GATAD2B: variants seen among roughly 807,000 people sequenced by gnomAD.
GATAD2B encodes GATA zinc finger domain containing 2B.
In GATAD2B, 8 loss-of-function variants were observed where a neutral mutation model predicts 64.3. The observed-to-expected ratio is 0.12, with a 90% CI of 0.07 to 0.22. The LOEUF is 0.22. Ranked by LOEUF, GATAD2B falls within the 10% of genes least tolerant of loss-of-function variation. The pLI is 1.00. For missense variants in GATAD2B, 453 were observed against 752.0 expected (o/e 0.60, Z 4.65); for synonymous variants, 281 against 271.3 (o/e 1.04, Z -0.35).
At chr1:153,902,186 CAGG>C (rs1677799631) in intron 1 of GATAD2B, among the ~76,000 whole-genome samples, 1 of 151,972 alleles carries the variant, frequency 6.6e-6, no homozygotes, top group South Asian at 2.1e-4. Context: ...AAGGCTGAGG[CAGG>C]AGAATCACTT....
At chr1:153,855,744 G>A (rs1327078852) in intron 1 of GATAD2B, among the ~76,000 whole-genome samples, 4 of 151,544 alleles carry the variant, frequency 2.6e-5, no homozygotes, top group South Asian at 2.1e-4. Flanking sequence ...GCATGATCTC[G>A]GCTCACTGCA....
At chr1:153,880,016 C>T (rs752016578) in intron 1 of GATAD2B, among the ~76,000 whole-genome samples, 3 of 152,060 alleles carry the variant, frequency 2.0e-5, no homozygotes, top group Non-Finnish European at 4.4e-5. Flanking sequence ...TTGATAATAT[C>T]ATACTAAACA....
chr1:153,888,249 G>A (rs1029274247), intron 1 of GATAD2B, among the ~76,000 whole-genome samples: 1 of 152,000 alleles, frequency 6.6e-6, no homozygotes, highest in Non-Finnish European at 1.5e-5. Context: ...AAGGCAACTG[G>A]GGGATTCCAC....
intron 1 of GATAD2B, among the ~76,000 whole-genome samples, chr1:153,909,428 C>CTGACCTCATGATCCACCCGCCT (rs1553199551): frequency 1.3e-5 from 2 of 151,636 alleles, no homozygotes; most frequent in African/African-American, 4.8e-5. Flanking sequence ...TCTCGATCTC[C>CTGACCTCATGATCCACCCGCCT]TGACCTCATG....
intron 1 of GATAD2B, among the ~76,000 whole-genome samples, chr1:153,888,141 AG>A (rs1331593464): frequency 6.6e-6 from 1 of 152,104 alleles, no homozygotes; most frequent in African/African-American, 2.4e-5. Context: ...ATCATCATAC[AG>A]GAACAGAGAA....
intron 1 of GATAD2B, among the ~76,000 whole-genome samples, chr1:153,851,908 C>G (rs766550795): frequency 1.3e-5 from 2 of 152,124 alleles, no homozygotes; most frequent in African/African-American, 4.8e-5. Context: ...TCTTTTCTTA[C>G]CAGGTGAACA....
At chr1:153,901,546 T>A (rs910631614) in intron 1 of GATAD2B, among the ~76,000 whole-genome samples, 1 of 152,042 alleles carries the variant, frequency 6.6e-6, no homozygotes, top group Non-Finnish European at 1.5e-5. Context: ...AATGTCCAAC[T>A]GCGCCCGATG....
intron 1 of GATAD2B, among the ~76,000 whole-genome samples, chr1:153,882,164 C>T (rs1677029996): frequency 6.6e-6 from 1 of 151,984 alleles, no homozygotes; most frequent in Non-Finnish European, 1.5e-5. Context: ...CCCTAACTAT[C>T]CCCCCATCAT....
Position 153,818,093 on chromosome 1 carries a change from G to C in GATAD2B, c.676C>G (p.Pro226Ala), listed in dbSNP as rs115193744. 1,577 of 1,613,288 alleles carry C rather than the reference G, an allele frequency of 9.8e-4. 11 individuals are homozygous for C. The African/African-American group carries it at 0.019, about 19-fold the overall frequency. The change falls in exon 5 of 11, where the codon CCC (proline) becomes GCC (alanine). Residue 226 changes from proline to alanine, a missense_variant. Pro to Ala is a conservative substitution (Grantham distance 27). Transcript: ENST00000368655. ...HVGQQGLSKLPSRPGAQGVEP... is the reference protein window; with the variant it reads ...HVGQQGLSKLASRPGAQGVEP... ...ACCCCTTGGGCCCCAGGCCGAGAGG[G>C]AAGCTTAGATAGGCCCTGCTGTCCC...
chr1:153,884,538 G>A (rs538899234), intron 1 of GATAD2B, among the ~76,000 whole-genome samples: 1 of 151,828 alleles, frequency 6.6e-6, no homozygotes, highest in African/African-American at 2.4e-5. Flanking sequence ...GGAGGATGAC[G>A]CTGCAGTGAG....
rs1464912518 is a variant in GATAD2B, at chr1:153,812,018, T to C, written c.1530+4A>G. The C allele has an allele frequency of 1.9e-6, 3 of 1,568,728 alleles. No individual in the cohort carries two copies. In the African/African-American group the frequency reaches 4.1e-5, roughly 21 times the overall value. ...AAATCAGGATCAGGCAAAAAGTTCC[T>C]TACCTGCCGAAGCGTATGATGTCTC... On this transcript the variant is annotated splice_donor_region_variant and intron_variant, in intron 9 of 10. Coordinates refer to ENST00000368655, the MANE Select transcript of GATAD2B (RefSeq NM_020699.4).
At chr1:153,910,602 T>G (rs1371512288) in intron 1 of GATAD2B, among the ~76,000 whole-genome samples, 1 of 152,072 alleles carries the variant, frequency 6.6e-6, no homozygotes, top group Non-Finnish European at 1.5e-5. Flanking sequence ...TAGCCAGACG[T>G]GGTGGCGAGC....
chr1:153,840,820 T>C (rs1490242480), intron 1 of GATAD2B, among the ~76,000 whole-genome samples: 2 of 152,090 alleles, frequency 1.3e-5, no homozygotes, highest in Non-Finnish European at 2.9e-5. Context: ...GTTCTTATTA[T>C]AAAATATTTC....
intron 5 of GATAD2B, 75 bp from the exon 6 acceptor site, chr1:153,817,617 G>T (rs1018598063): frequency 4.0e-6 from 4 of 1,009,992 alleles, no homozygotes; most frequent in Non-Finnish European, 5.6e-6. Context: ...ATGCAAAAGG[G>T]AAAACACTGC....
intron 1 of GATAD2B, among the ~76,000 whole-genome samples, chr1:153,913,877 G>A (rs888546240): frequency 1.3e-5 from 2 of 148,934 alleles, no homozygotes; most frequent in African/African-American, 4.9e-5. Context: ...CCGAGATCGT[G>A]CCACTGCACT....
intron 1 of GATAD2B, among the ~76,000 whole-genome samples, chr1:153,870,228 G>A (rs1676616957): frequency 6.6e-6 from 1 of 152,058 alleles, no homozygotes; most frequent in Admixed American, 6.6e-5. Flanking sequence ...GGGATTGCAA[G>A]CATGAGCCAC....
chr1:153,881,570 C>G (rs1677011868), intron 1 of GATAD2B, among the ~76,000 whole-genome samples: 1 of 152,106 alleles, frequency 6.6e-6, no homozygotes, highest in East Asian at 1.9e-4. Flanking sequence ...CTACACATAG[C>G]CAAAAACTAC....
chr1:153,868,771 C>A (rs1270496666), intron 1 of GATAD2B, among the ~76,000 whole-genome samples: 1 of 149,014 alleles, frequency 6.7e-6, no homozygotes, highest in Non-Finnish European at 1.5e-5. Flanking sequence ...ATTCTTGCTC[C>A]GTCACCCAGG....
Position 153,816,101 on chromosome 1 carries a change from C to CACACACACACACA in GATAD2B, c.1216+171_1216+172insTGTGTGTGTGTGT. ...ACACACACACACACACACACACACA[C>CACACACACACACA]TCCGCTTCTAACATGTTGCTCCCAA... On this transcript the variant is annotated intron_variant, in intron 7 of 10. Transcript: ENST00000368655. This position sits in a 1 kb window ranked among gnomAD's most constrained non-coding sequence, Gnocchi z 4.9. Among the ~76,000 whole-genome samples, 1 of 146,706 alleles carries CACACACACACACA rather than the reference C, an allele frequency of 6.8e-6. No homozygotes were observed. The highest frequency in any genetic ancestry group is 1.5e-5 in the Non-Finnish European group (1 of 66,160).
Sources: allele counts gnomAD v4.1 joint callset (sites outside exome capture counted in the v4.1 genomes callset), GRCh38; gene constraint gnomAD v4.1.1; non-coding constraint Gnocchi (gnomAD v3.1); transcripts MANE v1.5; gene names NCBI Gene and HGNC (gene_info 2026-07-23, HGNC 2026-07-21).